Variants in BCL6 observed in about 807,000 individuals in gnomAD.
The protein encoded by BCL6 is B-cell lymphoma 6 protein.
In BCL6, 7 loss-of-function variants were observed where a neutral mutation model predicts 59.5. The ratio of observed to expected loss-of-function variants is 0.12; its 90% CI spans 0.07 to 0.22. The LOEUF (loss-of-function observed/expected upper bound fraction) is 0.22, where lower values mean the gene tolerates loss of function less well. BCL6 is among the 10% of genes least tolerant of loss of function. The pLI is 1.00. For synonymous variants in BCL6, 339 were observed against 349.7 expected, an observed-to-expected ratio of 0.97 and a Z score of 0.34; for missense variants, 685 against 939.4, an observed-to-expected ratio of 0.73 and a Z score of 3.54.
chr3:187,745,338 A>G (rs1342857303), intron 1 of BCL6, 72 bp downstream of exon 1: 4 of 401,504 alleles, frequency 1.0e-5, no homozygotes, highest in Admixed American at 4.4e-5. Flanking sequence ...CGGCGGCGGC[A>G]GCGGCACCAG....
intron 9 of BCL6, among the ~76,000 whole-genome samples, chr3:187,722,997 C>A (rs1029262235): frequency 6.6e-6 from 1 of 152,188 alleles, no homozygotes; most frequent in Non-Finnish European, 1.5e-5. Flanking sequence ...ACCACACAGC[C>A]CTCCGTGTGC....
chr3:187,724,626 A>G (rs1272590724), intron 9 of BCL6: 1 of 341,356 alleles, frequency 2.9e-6, no homozygotes. Context: ...GAAATGAATG[A>G]ATCTAGGTGG....
intron 6 of BCL6, 94 bp from the exon 7 acceptor site, chr3:187,726,992 A>G: frequency 1.4e-6 from 2 of 1,425,188 alleles, no homozygotes; most frequent in East Asian, 4.6e-5. Flanking sequence ...CCTTGTGCCA[A>G]ACTGAACTCT....
chr3:187,727,387 A>T (rs1718766866), intron 6 of BCL6, among the ~76,000 whole-genome samples: 1 of 152,280 alleles, frequency 6.6e-6, no homozygotes, highest in Admixed American at 6.5e-5. Flanking sequence ...ATTACACAAA[A>T]TAAAACACAA....
intron 1 of BCL6, among the ~76,000 whole-genome samples, chr3:187,744,817 G>T (rs570678317): frequency 1.3e-5 from 2 of 152,162 alleles, no homozygotes; most frequent in Admixed American, 6.5e-5. Context: ...ACGGAGCAAG[G>T]AAAGCAGTTT....
In BCL6 at chr3:187,725,615, G is replaced by A. The variant is rs755666072; in HGVS notation, c.1723C>T (p.Arg575Cys). ...KTVHTGEKPYRCNICGAQFNR... is the reference protein window; with the variant it reads ...KTVHTGEKPYCCNICGAQFNR... ...AACTGGGCCCCACAGATGTTGCAAC[G>A]ATAGGGTTTCTCACCTATTACCAAG... The change falls in exon 8 of 10, where the codon CGT becomes TGT. Residue 575 changes from arginine to cysteine, a missense_variant. By Grantham distance (180) the Arg-to-Cys change is radical. Transcript: ENST00000406870. The surrounding 1 kb of genome is among the most constrained non-coding windows in gnomAD (Gnocchi z 4.7). The A allele has an allele frequency of 5.0e-6, 8 of 1,614,198 alleles. No homozygotes were observed. The highest frequency in any genetic ancestry group is 1.1e-5 in the South Asian group (1 of 91,080).
At position 187,728,375 on chromosome 3, in the gene BCL6, A is replaced by G. The variant is rs1365056172; in HGVS notation, c.1525T>C (p.Ser509Pro). The change falls in exon 6 of 10, where the codon TCA becomes CCA. Residue 509 changes from serine to proline, a missense_variant. Coordinates refer to ENST00000406870, the MANE Select transcript of BCL6 (RefSeq NM_001706.5). ...AAGGACTCACCACAGCTAGAATCTG[A>G]GTACTCAGACTGGGTCTCTCCCATC... ...EEMGETQSEY[S>P]DSSCENGAFF... 1 of 1,597,548 alleles carries G rather than the reference A, an allele frequency of 6.3e-7. No individual in the cohort carries two copies. The highest frequency in any genetic ancestry group is 8.5e-7 in the Non-Finnish European group (1 of 1,171,542).
chr3:187,739,859 G>C (rs1262367462), intron 1 of BCL6, among the ~76,000 whole-genome samples: 1 of 152,190 alleles, frequency 6.6e-6, no homozygotes, highest in Admixed American at 6.5e-5. Flanking sequence ...ATCCGATCTG[G>C]AAAGAAGTCA....
chr3:187,725,370 TCACC>T lies in BCL6; in HGVS notation c.1839+125_1839+128del. Reference sequence around the variant, plus strand: ...TGGGACTTTCTCCTGCCCGCTCTGCTCACCTGCCCGCTCCGCTTGCCTGCCCGCT... The same window carrying T: ...TGGGACTTTCTCCTGCCCGCTCTGCTTGCCCGCTCCGCTTGCCTGCCCGCT... On this transcript the variant is annotated intron_variant, in intron 8 of 9. Transcript: ENST00000406870. This position sits in a 1 kb window ranked among gnomAD's most constrained non-coding sequence, Gnocchi z 4.7. 1 of 1,517,950 alleles carries T rather than the reference TCACC, an allele frequency of 6.6e-7. No individual in the cohort carries two copies. The highest frequency in any genetic ancestry group is 8.8e-7 in the Non-Finnish European group (1 of 1,133,088). The allele number at this position is 1,517,950 out of a possible 1,614,324, so 94.0% of individuals were successfully genotyped here.
At chr3:187,727,664 C>A (rs1166952148) in intron 6 of BCL6, among the ~76,000 whole-genome samples, 1 of 152,164 alleles carries the variant, frequency 6.6e-6, no homozygotes, top group Non-Finnish European at 1.5e-5. Context: ...GGTCCATGAC[C>A]CTGTGCCAAA....
intron 9 of BCL6, 48 bp downstream of exon 9, chr3:187,724,893 C>T (rs761695899): frequency 6.2e-7 from 1 of 1,611,010 alleles, no homozygotes; most frequent in Non-Finnish European, 8.5e-7. Context: ...CCTTCCCTGC[C>T]CTCCACATCC....
At chr3:187,742,368 A>G (rs1354990193) in intron 1 of BCL6, among the ~76,000 whole-genome samples, 1 of 152,178 alleles carries the variant, frequency 6.6e-6, no homozygotes, top group East Asian at 1.9e-4. Context: ...GCAAACGACA[A>G]CTTAAGCATT....
chr3:187,745,036 C>T (rs1576886160), intron 1 of BCL6, among the ~76,000 whole-genome samples: 1 of 152,070 alleles, frequency 6.6e-6, no homozygotes, highest in Admixed American at 6.5e-5. Context: ...TCCTTCCTCT[C>T]CTCCACCTCC....
At chr3:187,735,256 G>A (rs1719233540) in intron 1 of BCL6, among the ~76,000 whole-genome samples, 1 of 152,116 alleles carries the variant, frequency 6.6e-6, no homozygotes, top group Non-Finnish European at 1.5e-5. Flanking sequence ...AAGAAAAATG[G>A]TTCTGTCAAC....
Position 187,729,170 on chromosome 3 carries a change from G to A in BCL6, c.1235C>T (p.Pro412Leu), listed in dbSNP as rs760912020. The part of the protein sequence containing the change: ...RLSPRAYTAP[P>L]ACQPPMEPEN... ...AGGCTCCATGGGTGGCTGGCAGGCA[G>A]GTGGGGCCGTGTAGGCTCGTGGGGA... The change falls in exon 5 of 10, where the codon CCT (proline) becomes CTT (leucine). Residue 412 changes from proline (P) to leucine (L), a missense_variant. Pro to Leu is a moderately conservative substitution (Grantham distance 98, BLOSUM62 -3). This residue lies in a region of BCL6 where 207 missense variants were observed against 213.7 expected (regional missense o/e 0.97). Transcript: ENST00000406870. The surrounding 1 kb of genome is among the most constrained non-coding windows in gnomAD (Gnocchi z 5.6). 3 of 1,611,316 alleles carry A rather than the reference G, an allele frequency of 1.9e-6. No homozygotes were observed. Among genetic ancestry groups the A allele is most frequent in the Non-Finnish European group, 2.5e-6 (3 of 1,177,984 alleles).
Position 187,731,718 on chromosome 3 carries a change from A to G in BCL6, c.374T>C (p.Ile125Thr). Reference sequence around the variant, plus strand: ...CCGGGTAGCAACTCACCTGGCCTTAATAAACTTCCGGCAAGTGTCCACAAC... The same window carrying G: ...CCGGGTAGCAACTCACCTGGCCTTAGTAAACTTCCGGCAAGTGTCCACAAC... Reference protein sequence around the residue: ...EHVVDTCRKFIKASEAEMVSA... With the variant: ...EHVVDTCRKFTKASEAEMVSA... Residue 125 changes from isoleucine to threonine, a missense_variant, in exon 4 of 10, where the codon ATT becomes ACT. Transcript: ENST00000406870. 1 of 1,614,046 alleles carries G rather than the reference A, an allele frequency of 6.2e-7. No individual in the cohort carries two copies. Among genetic ancestry groups the G allele is most frequent in the Non-Finnish European group, 8.5e-7 (1 of 1,180,030 alleles).
At chr3:187,728,900 A>G in intron 5 of BCL6, 150 bp downstream of exon 5, 1 of 1,144,340 alleles carries the variant, frequency 8.7e-7, no homozygotes, top group Non-Finnish European at 1.2e-6. Flanking sequence ...ACTTAAGTGT[A>G]AAATACTTCC....
intron 3 of BCL6, chr3:187,732,311 A>G (rs1251109297): frequency 2.5e-6 from 1 of 396,246 alleles, no homozygotes; most frequent in Non-Finnish European, 5.0e-6. Flanking sequence ...CCTTTGTCAT[A>G]AGCATTCCTT....
intron 4 of BCL6, among the ~76,000 whole-genome samples, chr3:187,731,197 C>A (rs1719022843): frequency 6.6e-6 from 1 of 152,110 alleles, no homozygotes; most frequent in African/African-American, 2.4e-5. Flanking sequence ...AGCAGCGTGA[C>A]ATAAAAGGTG....
Sources: gnomAD v4.1 joint callset for allele counts (sites outside exome capture counted in the v4.1 genomes callset) on GRCh38, gnomAD v4.1.1 for gene constraint, gnomAD v4.1.1 regional missense constraint, Gnocchi (gnomAD v3.1) non-coding constraint, MANE v1.5 for transcripts, NCBI Gene and HGNC (gene_info 2026-07-23, HGNC 2026-07-21) for gene names.